Variants in NOX4 observed in about 807,000 individuals in gnomAD.
The protein encoded by NOX4 is kidney oxidase-1.
NOX4 carries 69 observed loss-of-function variants against 87.6 expected under a neutral mutation model. The ratio of observed to expected loss-of-function variants is 0.79; its 90% CI spans 0.65 to 0.96. NOX4 has a LOEUF of 0.96. NOX4 is among the 40% of genes least tolerant of loss of function. The pLI, the probability that NOX4 is intolerant of heterozygous loss-of-function variation, is 0.00. For synonymous variants in NOX4, 275 were observed against 238.2 expected (o/e 1.15, Z -1.42); for missense variants, 680 against 681.5 (o/e 1.00, Z 0.02).
At chr11:89,551,758 C>A in the NOX4 span, among the ~76,000 whole-genome samples, 1 of 149,826 alleles carries the variant, frequency 6.7e-6, no homozygotes, top group Non-Finnish European at 1.5e-5. Context: ...ATTTGATTTC[C>A]TCTCTTCCTG....
At chr11:89,423,369 C>T (rs192727744) in intron 7 of NOX4, among the ~76,000 whole-genome samples, 246 of 151,652 alleles carry the variant, frequency 1.6e-3, no homozygotes, top group Middle Eastern at 6.9e-3. Flanking sequence ...AATCATTACC[C>T]ATTTCTATAG....
chr11:89,370,741 C>A (rs1334488319), intron 12 of NOX4, among the ~76,000 whole-genome samples: 2 of 152,122 alleles, frequency 1.3e-5, no homozygotes, highest in Admixed American at 6.6e-5. Context: ...AGGTCTTCCA[C>A]GTATCTAGGA....
the NOX4 span, among the ~76,000 whole-genome samples, chr11:89,564,447 A>G: frequency 2.6e-5 from 4 of 152,302 alleles, no homozygotes; most frequent in African/African-American, 9.6e-5. Flanking sequence ...GCAAGGGGGA[A>G]AATTCGGCCC....
chr11:89,396,355 G>C (rs539164655), intron 11 of NOX4, among the ~76,000 whole-genome samples: 1 of 152,208 alleles, frequency 6.6e-6, no homozygotes, highest in East Asian at 1.9e-4. Flanking sequence ...CATTGATTTT[G>C]TATCCTGAGA....
rs1175837074 is a variant in NOX4 at position 89,413,067 on chromosome 11, T to C, written c.629+8835A>G. Among the ~76,000 whole-genome samples, 4 of 152,112 alleles carry C rather than the reference T, an allele frequency of 2.6e-5. No homozygotes were observed. In the East Asian group the frequency reaches 5.8e-4, roughly 22 times the overall value. On this transcript the variant is annotated intron_variant, in intron 8 of 17. Coordinates refer to ENST00000263317, the MANE Select transcript of NOX4 (RefSeq NM_016931.5). ...AAGACATACAAATAGCAAACAGGTA[T>C]ATGAAAAGGTGCTCAACATCACATC...
At chr11:89,403,512 G>C (rs1201635320) in intron 8 of NOX4, among the ~76,000 whole-genome samples, 5 of 152,054 alleles carry the variant, frequency 3.3e-5, no homozygotes, top group Non-Finnish European at 7.4e-5. Context: ...AATTTTAGTA[G>C]TTTAATTGCC....
intron 11 of NOX4, among the ~76,000 whole-genome samples, chr11:89,375,537 G>A (rs1386784283): frequency 6.6e-6 from 1 of 152,036 alleles, no homozygotes; most frequent in African/African-American, 2.4e-5. Context: ...GAAACTCTTG[G>A]CCTCATATTA....
At chr11:89,565,212 G>C in the NOX4 span, among the ~76,000 whole-genome samples, 65 of 151,940 alleles carry the variant, frequency 4.3e-4, no homozygotes, top group African/African-American at 1.5e-3. Flanking sequence ...ATGATTTACA[G>C]TTTCCTCTGT....
chr11:89,429,595 A>G (rs1337869067), intron 7 of NOX4, among the ~76,000 whole-genome samples: 1 of 152,204 alleles, frequency 6.6e-6, no homozygotes, highest in Non-Finnish European at 1.5e-5. Context: ...TACGCAAATA[A>G]ACTAGAAAAT....
the NOX4 span, among the ~76,000 whole-genome samples, chr11:89,550,435 C>A: frequency 1.4e-4 from 22 of 152,114 alleles, no homozygotes; most frequent in Non-Finnish European, 2.8e-4. Context: ...ATCTGCCAAC[C>A]CTGGCTTCCC....
chr11:89,479,207 T>C (rs904687403), intron 2 of NOX4, among the ~76,000 whole-genome samples: 1 of 152,026 alleles, frequency 6.6e-6, no homozygotes, highest in Non-Finnish European at 1.5e-5. Context: ...CAGTATAAGA[T>C]GCTAAAGGAA....
At chr11:89,476,552 A>T (rs1262644815) in intron 2 of NOX4, among the ~76,000 whole-genome samples, 8 of 94,542 alleles carry the variant, frequency 8.5e-5, no homozygotes, top group Non-Finnish European at 1.3e-4. Flanking sequence ...ACAAGTAACT[A>T]AAAAAATGCT....
intron 2 of NOX4, among the ~76,000 whole-genome samples, chr11:89,487,393 T>C (rs985501394): frequency 2.0e-5 from 3 of 152,060 alleles, no homozygotes; most frequent in South Asian, 4.1e-4. Flanking sequence ...CTGTTTCTCA[T>C]TGTCTGTGTC....
At chr11:89,362,245 A>G (rs541317915) in intron 12 of NOX4, among the ~76,000 whole-genome samples, 53 of 151,958 alleles carry the variant, frequency 3.5e-4, no homozygotes, top group African/African-American at 1.2e-3. Context: ...ATAGATCTCC[A>G]CTTTGTACTG....
At chr11:89,363,756 T>C (rs1445243773) in intron 12 of NOX4, among the ~76,000 whole-genome samples, 1 of 152,112 alleles carries the variant, frequency 6.6e-6, no homozygotes, top group Non-Finnish European at 1.5e-5. Flanking sequence ...TACATCTCCC[T>C]ACTGAAAAGT....
intron 17 of NOX4, among the ~76,000 whole-genome samples, chr11:89,333,192 T>C (rs1320395893): frequency 2.0e-5 from 3 of 151,788 alleles, no homozygotes; most frequent in African/African-American, 7.2e-5. Context: ...CTAGAATACT[T>C]TGAGGTACAA....
chr11:89,581,562 T>C, the NOX4 span, among the ~76,000 whole-genome samples: 2 of 152,168 alleles, frequency 1.3e-5, no homozygotes, highest in Non-Finnish European at 2.9e-5. Flanking sequence ...TAATAACCAC[T>C]GACTTACTAC....
chr11:89,442,507 T>C (rs368428929), intron 5 of NOX4, among the ~76,000 whole-genome samples: 15 of 152,224 alleles, frequency 9.9e-5, no homozygotes, highest in Admixed American at 4.6e-4. Context: ...AAATAAATTA[T>C]GGCATAGTCA....
At chr11:89,334,575 T>C (rs1945616280) in intron 17 of NOX4, among the ~76,000 whole-genome samples, 1 of 151,768 alleles carries the variant, frequency 6.6e-6, no homozygotes, top group South Asian at 2.1e-4. Context: ...ATAATATTCA[T>C]CCATGATTTC....
Sources: gnomAD v4.1 joint callset for allele counts (sites outside exome capture counted in the v4.1 genomes callset) on GRCh38, gnomAD v4.1.1 for gene constraint, MANE v1.5 for transcripts, NCBI Gene and HGNC (gene_info 2026-07-23, HGNC 2026-07-21) for gene names.